CCSER1: variants seen among roughly 807,000 people sequenced by gnomAD.
CCSER1 encodes coiled-coil serine rich protein 1, also known as serine-rich coiled-coil domain-containing protein 1.
In CCSER1, 41 loss-of-function variants were observed where a neutral mutation model predicts 82.0. The ratio of observed to expected loss-of-function variants is 0.50; its 90% confidence interval spans 0.39 to 0.65. The LOEUF (loss-of-function observed/expected upper bound fraction) is 0.65, where lower values mean the gene tolerates loss of function less well. Ranked by LOEUF, CCSER1 falls within the 30% of genes least tolerant of loss-of-function variation. The probability of loss-of-function intolerance (pLI) is 0.00; values close to 1 mark genes in which losing one functional copy is unlikely to be tolerated. For missense variants in CCSER1, 1,119 were observed against 1,064.2 expected, an observed-to-expected ratio of 1.05 and a Z score of -0.72; for synonymous variants, 414 against 383.9, an observed-to-expected ratio of 1.08 and a Z score of -0.92.
At chr4:91,014,667 TCTAAGCAAA>T (rs1739271057) in intron 9 of CCSER1, among the ~76,000 whole-genome samples, 2 of 151,580 alleles carry the variant, frequency 1.3e-5, no homozygotes, top group East Asian at 2.0e-4. Flanking sequence ...TTTGACAAAG[TCTAAGCAAA>T]TGTAAACATA....
intron 10 of CCSER1, among the ~76,000 whole-genome samples, chr4:91,249,001 A>G (rs186501375): frequency 4.4e-4 from 67 of 152,236 alleles, no homozygotes; most frequent in African/African-American, 1.6e-3. Context: ...GCTCTTTATG[A>G]TATCAATTTT....
intron 9 of CCSER1, among the ~76,000 whole-genome samples, chr4:90,948,867 C>G (rs894412418): frequency 1.3e-5 from 2 of 151,684 alleles, no homozygotes; most frequent in Admixed American, 1.3e-4. Context: ...GTGTTGGGTC[C>G]TTAGGCTATG....
intron 8 of CCSER1, among the ~76,000 whole-genome samples, chr4:90,899,460 T>C (rs2150142846): frequency 6.6e-6 from 1 of 152,210 alleles, no homozygotes; most frequent in South Asian, 2.1e-4. Flanking sequence ...CTTGCCTGAT[T>C]GCTCTGGCAA....
intron 8 of CCSER1, among the ~76,000 whole-genome samples, chr4:90,906,369 A>G (rs1725474507): frequency 6.6e-6 from 1 of 152,104 alleles, no homozygotes; most frequent in Admixed American, 6.6e-5. Context: ...ATTGTTTTCT[A>G]GCTGATCGTC....
intron 1 of CCSER1, among the ~76,000 whole-genome samples, chr4:90,143,521 C>CACAT (rs1336609596): frequency 6.6e-6 from 1 of 151,646 alleles, no homozygotes; most frequent in African/African-American, 2.4e-5. Flanking sequence ...CACACACACA[C>CACAT]ACACACCAGG....
intron 5 of CCSER1, among the ~76,000 whole-genome samples, chr4:90,481,100 T>C (rs1171732250): frequency 6.6e-6 from 1 of 152,174 alleles, no homozygotes; most frequent in Non-Finnish European, 1.5e-5. Flanking sequence ...TCACATCCCT[T>C]GTAAGTTGGA....
intron 1 of CCSER1, among the ~76,000 whole-genome samples, chr4:90,198,333 A>G (rs910783870): frequency 5.3e-5 from 8 of 152,126 alleles, no homozygotes; most frequent in African/African-American, 1.9e-4. Context: ...TCTAATCAGC[A>G]TGAAAAAGAT....
rs115888008 is a variant in CCSER1 at position 91,111,799 on chromosome 4, A to C, written c.2217+25805A>C. Among the ~76,000 whole-genome samples the C allele has an allele frequency of 5.2e-3, 784 of 151,302 alleles. 4 individuals are homozygous for C. Among genetic ancestry groups the C allele is most frequent in the African/African-American group, 0.018 (741 of 41,340 alleles). On this transcript the variant is annotated intron_variant, in intron 10 of 10. Transcript: ENST00000509176. ...GAATCACTGAAGCAAGAAATACTGT[A>C]TCAGGAGAAAGGAAAAGAGAAAAAG... is the stretch of plus-strand genomic sequence containing the variant.
At chr4:90,694,833 T>A (rs1579974833) in intron 6 of CCSER1, among the ~76,000 whole-genome samples, 1 of 151,234 alleles carries the variant, frequency 6.6e-6, no homozygotes, top group South Asian at 2.1e-4. Flanking sequence ...TGTGTTTTAG[T>A]TTATGAAACC....
At chr4:90,379,359 A>G (rs1296810115) in intron 3 of CCSER1, among the ~76,000 whole-genome samples, 2 of 152,140 alleles carry the variant, frequency 1.3e-5, no homozygotes, top group African/African-American at 4.8e-5. Flanking sequence ...CATAACTCCA[A>G]AGGAGGCTGT....
chr4:90,169,691 G>C (rs558265829), intron 1 of CCSER1, among the ~76,000 whole-genome samples: 3 of 152,100 alleles, frequency 2.0e-5, no homozygotes, highest in Admixed American at 6.6e-5. Context: ...CCACAAAAAC[G>C]GTTTTATTGT....
intron 7 of CCSER1, among the ~76,000 whole-genome samples, chr4:90,808,545 AAAAT>A (rs1477636000): frequency 1.3e-5 from 2 of 152,132 alleles, no homozygotes; most frequent in Non-Finnish European, 2.9e-5. Context: ...AGCAAGAAAA[AAAAT>A]AAATAATCCC....
intron 1 of CCSER1, among the ~76,000 whole-genome samples, chr4:90,270,913 C>A (rs1296164587): frequency 6.6e-6 from 1 of 151,886 alleles, no homozygotes; most frequent in Non-Finnish European, 1.5e-5. Flanking sequence ...AAATTAAATA[C>A]TTAGGAATTA....
chr4:90,448,482 TA>T (rs1560533208), intron 4 of CCSER1, among the ~76,000 whole-genome samples: 14 of 134,406 alleles, frequency 1.0e-4, no homozygotes, highest in African/African-American at 3.8e-4. Flanking sequence ...TATATATATA[TA>T]TAGCACTTTT....
chr4:91,546,987 T>C lies in CCSER1; in HGVS notation c.2218-51585T>C, dbSNP rs534650288. 2.7e-3 allele frequency among the ~76,000 whole-genome samples: 402 copies of C among 149,596 alleles called. 1 individual carries two copies. Among genetic ancestry groups the C allele is most frequent in the African/African-American group, 9.3e-3 (382 of 40,942 alleles). On this transcript the variant is annotated intron_variant, in intron 10 of 10. Transcript: ENST00000509176. ...CTTGAGTTTTCTTTTTTTTTTTTTT[T>C]CACCCATGTGCTATTTAGGAGTGTG...
At chr4:90,795,093 A>G (rs1755805187) in intron 7 of CCSER1, among the ~76,000 whole-genome samples, 1 of 152,118 alleles carries the variant, frequency 6.6e-6, no homozygotes, top group Non-Finnish European at 1.5e-5. Context: ...GTTCGAGACC[A>G]GCCTGGCCAA....
chr4:91,323,261 CAA>C (rs1430874101), intron 10 of CCSER1, among the ~76,000 whole-genome samples: 1 of 152,094 alleles, frequency 6.6e-6, no homozygotes, highest in Non-Finnish European at 1.5e-5. Context: ...TCTCAATAGG[CAA>C]AGAGCAGTGG....
intron 10 of CCSER1, among the ~76,000 whole-genome samples, chr4:91,237,711 G>A (rs1259585377): frequency 2.0e-5 from 3 of 152,168 alleles, no homozygotes; most frequent in Non-Finnish European, 4.4e-5. Flanking sequence ...GAGAGAGAGA[G>A]AGACAGAGAC....
intron 10 of CCSER1, among the ~76,000 whole-genome samples, chr4:91,476,954 G>T (rs1757630194): frequency 1.3e-5 from 2 of 151,696 alleles, no homozygotes; most frequent in Non-Finnish European, 3.0e-5. Context: ...GTGAAAGTAT[G>T]AAACTACTAG....
Sources: gnomAD v4.1 joint callset for allele counts (sites outside exome capture counted in the v4.1 genomes callset) on GRCh38, gnomAD v4.1.1 for gene constraint, MANE v1.5 for transcripts, NCBI Gene and HGNC (gene_info 2026-07-23, HGNC 2026-07-21) for gene names.